The following REEP3 variants were observed in gnomAD, a reference collection of about 807,000 sequenced individuals.
REEP3 encodes receptor accessory protein 3.
A neutral mutation model predicts 41.3 loss-of-function variants in REEP3; 20 were observed. The ratio of observed to expected loss-of-function variants is 0.48; its 90% CI spans 0.34 to 0.70. The LOEUF is 0.70. Ranked by LOEUF, REEP3 falls within the 30% of genes least tolerant of loss-of-function variation. The probability of loss-of-function intolerance (pLI) is 0.01; values close to 1 mark genes in which losing one functional copy is unlikely to be tolerated. For synonymous variants in REEP3, 104 were observed against 101.8 expected (o/e 1.02, Z -0.13); for missense variants, 271 against 308.8 (o/e 0.88, Z 0.92).
At chr10:63,579,105 C>T (rs532659714) in intron 2 of REEP3, among the ~76,000 whole-genome samples, 22 of 151,324 alleles carry the variant, frequency 1.5e-4, no homozygotes, top group African/African-American at 5.3e-4. Flanking sequence ...CATCTCAGCT[C>T]ACTGCAACCT....
chr10:63,524,649 T>C (rs1414739270), intron 1 of REEP3, among the ~76,000 whole-genome samples: 2 of 152,078 alleles, frequency 1.3e-5, no homozygotes, highest in African/African-American at 4.8e-5. Context: ...TTTCACCATA[T>C]TGGCCAGGCT....
At chr10:63,558,102 A>G (rs1050417700) in intron 1 of REEP3, among the ~76,000 whole-genome samples, 1 of 152,224 alleles carries the variant, frequency 6.6e-6, no homozygotes. Flanking sequence ...ATATACTTCA[A>G]AAAAATCAAG....
intron 5 of REEP3, among the ~76,000 whole-genome samples, chr10:63,603,796 C>T (rs1186431098): frequency 6.6e-6 from 1 of 152,108 alleles, no homozygotes; most frequent in Non-Finnish European, 1.5e-5. Context: ...CTGAACATAG[C>T]GTAATGTTAA....
At chr10:63,614,608 C>T (rs950333750) in intron 6 of REEP3, among the ~76,000 whole-genome samples, 7 of 152,090 alleles carry the variant, frequency 4.6e-5, no homozygotes, top group Non-Finnish European at 7.4e-5. Flanking sequence ...GCCAGTGTGC[C>T]GAGAGAAACT....
At chr10:63,531,214 C>T (rs1955418452) in intron 1 of REEP3, among the ~76,000 whole-genome samples, 5 of 152,214 alleles carry the variant, frequency 3.3e-5, no homozygotes, top group Admixed American at 2.6e-4. Flanking sequence ...GACCAGCTAA[C>T]GTTAGAATGT....
chr10:63,573,289 A>C (rs2133381814), intron 2 of REEP3, among the ~76,000 whole-genome samples: 1 of 152,342 alleles, frequency 6.6e-6, no homozygotes, highest in South Asian at 2.1e-4. Flanking sequence ...GGCCTACTTA[A>C]AGACTTTCAG....
chr10:63,619,317 A>G (rs1956335072), intron 6 of REEP3, among the ~76,000 whole-genome samples: 1 of 152,248 alleles, frequency 6.6e-6, no homozygotes, highest in Admixed American at 6.5e-5. Flanking sequence ...AAAGGTGGGA[A>G]GAGACTTTTT....
chr10:63,527,503 C>T (rs1955376862), intron 1 of REEP3, among the ~76,000 whole-genome samples: 1 of 151,912 alleles, frequency 6.6e-6, no homozygotes, highest in Admixed American at 6.6e-5. Flanking sequence ...GAAACCCCAT[C>T]TCTACAAAAA....
intron 1 of REEP3, among the ~76,000 whole-genome samples, chr10:63,535,560 G>A (rs1445597852): frequency 6.6e-6 from 1 of 152,008 alleles, no homozygotes; most frequent in Non-Finnish European, 1.5e-5. Context: ...TGAAGAAAAA[G>A]GAATAAAAAC....
At chr10:63,568,322 A>C (rs1318109475) in intron 2 of REEP3, among the ~76,000 whole-genome samples, 2 of 148,964 alleles carry the variant, frequency 1.3e-5, no homozygotes, top group African/African-American at 2.5e-5. Flanking sequence ...GCCGGAGTGC[A>C]CTGGCGCGAT....
chr10:63,528,647 A>G (rs1409144710), intron 1 of REEP3, among the ~76,000 whole-genome samples: 1 of 152,090 alleles, frequency 6.6e-6, no homozygotes, highest in Non-Finnish European at 1.5e-5. Flanking sequence ...TGGTCTACAA[A>G]CAGGACATGA....
At chr10:63,547,479 T>C (rs1417724894) in intron 1 of REEP3, among the ~76,000 whole-genome samples, 1 of 152,152 alleles carries the variant, frequency 6.6e-6, no homozygotes, top group Non-Finnish European at 1.5e-5. Flanking sequence ...GTGGGGTGCA[T>C]GCAAGTAGCC....
At chr10:63,615,641 G>A (rs886254909) in intron 6 of REEP3, among the ~76,000 whole-genome samples, 24 of 151,864 alleles carry the variant, frequency 1.6e-4, no homozygotes, top group African/African-American at 5.8e-4. Context: ...CACCTCCCAG[G>A]TTCAAGCAAT....
At chr10:63,604,775 A>AT (rs1440904770) in intron 5 of REEP3, among the ~76,000 whole-genome samples, 3 of 152,106 alleles carry the variant, frequency 2.0e-5, no homozygotes, top group Non-Finnish European at 4.4e-5. Flanking sequence ...GTTAATCTGG[A>AT]TTTTTTTTAG....
intron 5 of REEP3, chr10:63,599,837 T>C (rs552007171): frequency 4.5e-6 from 1 of 222,210 alleles, no homozygotes; most frequent in East Asian, 1.8e-4. Context: ...CTGTAAAAAT[T>C]TGCATTATGG....
intron 2 of REEP3, among the ~76,000 whole-genome samples, chr10:63,567,774 CATT>C (rs1358564539): frequency 6.6e-6 from 1 of 151,906 alleles, no homozygotes; most frequent in Non-Finnish European, 1.5e-5. Context: ...GAGATTAGAT[CATT>C]ATTCTTTATA....
chr10:63,531,215 G>A (rs949173842), intron 1 of REEP3, among the ~76,000 whole-genome samples: 2 of 152,182 alleles, frequency 1.3e-5, no homozygotes, highest in African/African-American at 2.4e-5. Context: ...ACCAGCTAAC[G>A]TTAGAATGTT....
chr10:63,562,084 T>C (rs1436043277), intron 1 of REEP3, among the ~76,000 whole-genome samples: 1 of 152,128 alleles, frequency 6.6e-6, no homozygotes, highest in Non-Finnish European at 1.5e-5. Context: ...AGTTTTTCCT[T>C]AGATGTCTCT....
chr10:63,521,499 G>C lies in REEP3; in HGVS notation c.-47G>C. 4 of 1,357,926 alleles carry C rather than the reference G, an allele frequency of 2.9e-6. No homozygotes were observed. The highest frequency in any genetic ancestry group is 3.9e-6 in the Non-Finnish European group (4 of 1,033,906). 84.1% of individuals were successfully genotyped at this position (1,357,926 alleles called of 1,614,324 possible). On this transcript the variant is annotated 5_prime_UTR_variant, in exon 1 of 8. Transcript: ENST00000373758. ...TGCCGTTGGCGGCCTGGTCCGCAGC[G>C]CCCTGCGCCCACCCGCCCCGGACGT...
Sources: gnomAD v4.1 joint callset for allele counts (sites outside exome capture counted in the v4.1 genomes callset) on GRCh38, gnomAD v4.1.1 for gene constraint, MANE v1.5 for transcripts, NCBI Gene and HGNC (gene_info 2026-07-23, HGNC 2026-07-21) for gene names.